KIF6: variants seen among roughly 807,000 people sequenced by gnomAD.
KIF6 encodes the protein kinesin family member 6, also known as kinesin-like protein KIF6.
A neutral mutation model predicts 112.7 loss-of-function variants in KIF6; 106 were observed. That is an observed-to-expected ratio of 0.94 (90% CI 0.80 to 1.11). The LOEUF is 1.11. Among genes scored for constraint, KIF6 ranks in the 50% least tolerant of loss-of-function variants. The pLI, the probability that KIF6 is intolerant of heterozygous loss-of-function variation, is 0.00. For missense variants in KIF6, 929 were observed against 964.0 expected, an observed-to-expected ratio of 0.96 and a Z score of 0.48; for synonymous variants, 339 against 339.9, an observed-to-expected ratio of 1.00 and a Z score of 0.03.
At chr6:39,454,589 T>C (rs1772923720) in intron 13 of KIF6, among the ~76,000 whole-genome samples, 1 of 150,574 alleles carries the variant, frequency 6.6e-6, no homozygotes, top group African/African-American at 2.4e-5. Flanking sequence ...GGGTGATTTC[T>C]GCATTTCCAT....
rs556202071 is a variant in KIF6, at chr6:39,396,263, C to T, written c.1811-10591G>A. On this transcript the variant is annotated intron_variant, in intron 15 of 22. Transcript: ENST00000287152. ...GTCATTGTTAGATGTTGCATATGCA[C>T]GTTGCGTCTTTCTGGTGCAATGGGC... Among the ~76,000 whole-genome samples the T allele has an allele frequency of 2.1e-4, 32 of 152,368 alleles. No individual in the cohort carries two copies. The South Asian group carries it at 4.8e-3, about 23-fold the overall frequency.
chr6:39,346,049 G>GCTCACTCTCTCTCTCT (rs1554196850), intron 20 of KIF6, among the ~76,000 whole-genome samples: 1 of 28,994 alleles, frequency 3.4e-5, no homozygotes, highest in African/African-American at 1.3e-4. Flanking sequence ...AAACTACAGT[G>GCTCACTCTCTCTCTCT]CTCTCTCTCT....
At chr6:39,535,480 T>C (rs1392299076) in intron 13 of KIF6, among the ~76,000 whole-genome samples, 1 of 152,122 alleles carries the variant, frequency 6.6e-6, no homozygotes, top group East Asian at 1.9e-4. Flanking sequence ...CATTACATAA[T>C]GGTAAAGGGA....
intron 9 of KIF6, among the ~76,000 whole-genome samples, chr6:39,583,791 C>T (rs183051353): frequency 1.2e-4 from 16 of 138,038 alleles, no homozygotes; most frequent in Non-Finnish European, 1.8e-4. Flanking sequence ...ATGATGCAAT[C>T]TTAATTATGG....
intron 13 of KIF6, among the ~76,000 whole-genome samples, chr6:39,507,520 T>A (rs1776488547): frequency 6.6e-6 from 1 of 152,010 alleles, no homozygotes; most frequent in Admixed American, 6.6e-5. Flanking sequence ...ACATGGGACA[T>A]ATGCAACCTG....
intron 5 of KIF6, among the ~76,000 whole-genome samples, chr6:39,629,718 C>T (rs1250188112): frequency 6.6e-6 from 1 of 151,942 alleles, no homozygotes; most frequent in Non-Finnish European, 1.5e-5. Flanking sequence ...ATTTTTATTT[C>T]ACTGGTCATG....
chr6:39,415,346 T>C (rs1266315572), intron 15 of KIF6, among the ~76,000 whole-genome samples: 1 of 114,720 alleles, frequency 8.7e-6, no homozygotes, highest in African/African-American at 3.3e-5. Context: ...GACGGTTAAA[T>C]ACATCCCGAC....
intron 10 of KIF6, among the ~76,000 whole-genome samples, chr6:39,565,578 C>A (rs1444985335): frequency 6.6e-6 from 1 of 152,098 alleles, no homozygotes; most frequent in Non-Finnish European, 1.5e-5. Context: ...GGTTTGTAAG[C>A]AAATGAGATA....
intron 13 of KIF6, among the ~76,000 whole-genome samples, chr6:39,486,206 G>A (rs1775104688): frequency 6.6e-6 from 1 of 152,224 alleles, no homozygotes; most frequent in Admixed American, 6.5e-5. Flanking sequence ...TCTGGGCCTA[G>A]CTTTTCAGAA....
chr6:39,656,403 A>G (rs1269736895), intron 3 of KIF6, among the ~76,000 whole-genome samples: 1 of 152,234 alleles, frequency 6.6e-6, no homozygotes, highest in African/African-American at 2.4e-5. Context: ...TCCTCTGTCT[A>G]CACTGCCACC....
At chr6:39,645,682 G>A (rs1043654889) in intron 3 of KIF6, among the ~76,000 whole-genome samples, 1 of 152,100 alleles carries the variant, frequency 6.6e-6, no homozygotes, top group Admixed American at 6.6e-5. Flanking sequence ...AAATGAGTTA[G>A]GGAGGATTCC....
Position 39,672,338 on chromosome 6 carries a change from C to T in KIF6, c.252-32581G>A, listed in dbSNP as rs191734908. 2.0e-3 allele frequency among the ~76,000 whole-genome samples: 308 copies of T among 152,238 alleles called. 2 individuals carry two copies. Among genetic ancestry groups the T allele is most frequent in the Admixed American group, 4.6e-3 (71 of 15,298 alleles). On this transcript the variant is annotated intron_variant, in intron 3 of 22. Transcript: ENST00000287152. Reference sequence around the variant, plus strand: ...TTATGGTAACATTGGTTTTGTTATACGTTTTGCTTAAAGCCATAGTTTCCA... The same window carrying T: ...TTATGGTAACATTGGTTTTGTTATATGTTTTGCTTAAAGCCATAGTTTCCA...
In KIF6 at chr6:39,337,148, CTCTTTCTTTTCTTTCTTTCCTTCCTTCTT is replaced by C. The variant is rs1562102143; in HGVS notation, c.2429-629_2429-601del. Among the ~76,000 whole-genome samples the C allele has an allele frequency of 7.2e-4, 70 of 97,602 alleles. 4 individuals carry two copies. The highest frequency in any genetic ancestry group is 2.0e-3 in the African/African-American group (49 of 24,630). The allele number at this position is 97,602 out of a possible 152,430, so 64.0% of individuals were successfully genotyped here. ...TCTTTCCTCCTTCCTTCCTTCCTTTCTCTTTCTTTTCTTTCTTTCCTTCCTTCTTTCTTTCTTTCTTTCTTTCTTTCTTT... is the reference window on the plus strand; with the variant it reads ...TCTTTCCTCCTTCCTTCCTTCCTTTCTCTTTCTTTCTTTCTTTCTTTCTTT... On this transcript the variant is annotated intron_variant, in intron 22 of 22. Coordinates refer to ENST00000287152, the MANE Select transcript of KIF6 (RefSeq NM_145027.6).
intron 3 of KIF6, among the ~76,000 whole-genome samples, chr6:39,651,835 A>G (rs1274232133): frequency 1.3e-5 from 2 of 152,188 alleles, no homozygotes; most frequent in African/African-American, 2.4e-5. Flanking sequence ...ATGGATACAC[A>G]ACGATCTAAT....
chr6:39,420,243 T>C (rs774624680), intron 14 of KIF6, among the ~76,000 whole-genome samples: 3 of 152,226 alleles, frequency 2.0e-5, no homozygotes, highest in Admixed American at 1.3e-4. Context: ...AGTCTCTCAT[T>C]TATGACTTTT....
intron 10 of KIF6, among the ~76,000 whole-genome samples, chr6:39,559,065 T>G (rs1438753181): frequency 6.6e-6 from 1 of 152,188 alleles, no homozygotes; most frequent in African/African-American, 2.4e-5. Flanking sequence ...AAAAACACTT[T>G]GTACCAAAGT....
chr6:39,503,106 G>A (rs1437281756), intron 13 of KIF6, among the ~76,000 whole-genome samples: 1 of 151,614 alleles, frequency 6.6e-6, no homozygotes, highest in Non-Finnish European at 1.5e-5. Flanking sequence ...ACACTCCTCA[G>A]CAAATGCAAC....
chr6:39,598,545 T>C (rs1782406254), intron 6 of KIF6, among the ~76,000 whole-genome samples: 1 of 151,722 alleles, frequency 6.6e-6, no homozygotes, highest in Admixed American at 6.6e-5. Flanking sequence ...ATATATTTCC[T>C]AGAGAGAAAT....
intron 14 of KIF6, among the ~76,000 whole-genome samples, chr6:39,424,694 A>G (rs935928563): frequency 2.0e-5 from 3 of 152,164 alleles, no homozygotes; most frequent in South Asian, 2.1e-4. Context: ...AAGAGCATGC[A>G]TGCAAATATG....
Sources: gnomAD v4.1 joint callset for allele counts (sites outside exome capture counted in the v4.1 genomes callset) on GRCh38, gnomAD v4.1.1 for gene constraint, MANE v1.5 for transcripts, NCBI Gene and HGNC (gene_info 2026-07-23, HGNC 2026-07-21) for gene names.